The following LDB2 variants were observed in gnomAD, a reference collection of about 807,000 sequenced individuals.
LDB2 encodes LIM domain binding 2.
In LDB2, 12 loss-of-function variants were observed where a neutral mutation model predicts 44.3. The ratio of observed to expected loss-of-function variants is 0.27; its 90% CI spans 0.17 to 0.44. The LOEUF (loss-of-function observed/expected upper bound fraction) is 0.44, where lower values mean the gene tolerates loss of function less well. LDB2 is among the 20% of genes least tolerant of loss of function. The pLI, the probability that LDB2 is intolerant of heterozygous loss-of-function variation, is 1.00. For synonymous variants in LDB2, 164 were observed against 174.8 expected, an observed-to-expected ratio of 0.94 and a Z score of 0.49; for missense variants, 344 against 473.5, an observed-to-expected ratio of 0.73 and a Z score of 2.54.
At chr4:16,895,950 C>A (rs1313537722) in intron 1 of LDB2, among the ~76,000 whole-genome samples, 2 of 151,756 alleles carry the variant, frequency 1.3e-5, no homozygotes, top group African/African-American at 2.4e-5. Flanking sequence ...TTATTTGATT[C>A]TCTCCCCTTT....
At chr4:16,848,406 AT>A (rs1377028603) in intron 1 of LDB2, among the ~76,000 whole-genome samples, 1 of 152,240 alleles carries the variant, frequency 6.6e-6, no homozygotes, top group East Asian at 1.9e-4. Context: ...GTATTCACAT[AT>A]TTGGCACACA....
At chr4:16,763,693 T>G (rs1768505475) in intron 1 of LDB2, among the ~76,000 whole-genome samples, 1 of 152,208 alleles carries the variant, frequency 6.6e-6, no homozygotes, top group African/African-American at 2.4e-5. Context: ...GTGCTGTACA[T>G]GTATTGAACC....
At chr4:16,784,129 G>A (rs963720633) in intron 1 of LDB2, among the ~76,000 whole-genome samples, 4 of 152,160 alleles carry the variant, frequency 2.6e-5, no homozygotes, top group Non-Finnish European at 4.4e-5. Flanking sequence ...AATAATCAGC[G>A]TTTCATCTCA....
chr4:16,876,011 T>G (rs573232729), intron 1 of LDB2, among the ~76,000 whole-genome samples: 6 of 152,240 alleles, frequency 3.9e-5, no homozygotes, highest in Non-Finnish European at 8.8e-5. Context: ...GGAGGCCATA[T>G]GTGCAGAGTG....
chr4:16,859,497 A>T (rs1711747396), intron 1 of LDB2, among the ~76,000 whole-genome samples: 1 of 152,198 alleles, frequency 6.6e-6, no homozygotes, highest in South Asian at 2.1e-4. Flanking sequence ...CATCTATTGG[A>T]TTATAGGAGC....
At chr4:16,774,122 TC>T (rs1380705468) in intron 1 of LDB2, among the ~76,000 whole-genome samples, 2 of 121,270 alleles carry the variant, frequency 1.6e-5, no homozygotes, top group Non-Finnish European at 3.2e-5. Context: ...GCCATTGCAC[TC>T]CAGCCTGGCA....
rs570101331 is a variant in LDB2, at chr4:16,502,199, A to G, written c.*444T>C. 2 of 154,946 alleles carry G rather than the reference A, an allele frequency of 1.3e-5. No individual in the cohort carries two copies. The highest frequency in any genetic ancestry group is 2.9e-5 in the Non-Finnish European group (2 of 69,720). 9.6% of individuals were successfully genotyped at this position (154,946 alleles called of 1,614,324 possible). A position where few individuals can be genotyped will look rare whatever the true frequency, so the allele number is the denominator to read the frequency against. ...TTTTACTGAAACAAGAAACTCTCAG[A>G]TGCAAGTCAAAAAGCAGAAAATATT... On this transcript the variant is annotated 3_prime_UTR_variant, in exon 8 of 8. Coordinates refer to ENST00000304523, the MANE Select transcript of LDB2 (RefSeq NM_001290.5).
chr4:16,725,707 C>T (rs978122698), intron 2 of LDB2, among the ~76,000 whole-genome samples: 16 of 152,134 alleles, frequency 1.1e-4, no homozygotes, highest in East Asian at 1.9e-4. Context: ...AGGGACACAC[C>T]TGAAGCCTTC....
rs1198788029 is a variant in LDB2 at position 16,562,430 on chromosome 4, GA to G, written c.615+23491del. 7.2e-5 allele frequency among the ~76,000 whole-genome samples: 11 copies of G among 152,302 alleles called. 1 individual carries two copies. Among genetic ancestry groups the G allele is most frequent in the Admixed American group, 3.3e-4 (5 of 15,302 alleles). On this transcript the variant is annotated intron_variant, in intron 5 of 7. Transcript: ENST00000304523. ...GGACATGAACAGACACTTCTCAAAAGAAGACATTTATCCAGCCAACAGACAC... is the reference window on the plus strand; with the variant it reads ...GGACATGAACAGACACTTCTCAAAAGAGACATTTATCCAGCCAACAGACAC...
intron 2 of LDB2, among the ~76,000 whole-genome samples, chr4:16,718,345 C>T (rs952423566): frequency 6.6e-6 from 1 of 151,916 alleles, no homozygotes; most frequent in Non-Finnish European, 1.5e-5. Context: ...ATATATTTTT[C>T]AATCCATTGA....
intron 2 of LDB2, among the ~76,000 whole-genome samples, chr4:16,717,418 A>C (rs921494262): frequency 6.6e-6 from 1 of 152,110 alleles, no homozygotes. Context: ...CCCCTCCTGC[A>C]TTTTAGATGC....
intron 7 of LDB2, 81 bp downstream of exon 7, chr4:16,508,454 T>A: frequency 1.7e-6 from 2 of 1,177,430 alleles, no homozygotes; most frequent in Non-Finnish European, 2.3e-6. Context: ...TTTTTTCTAA[T>A]GAAAAGAGAC....
At chr4:16,676,671 A>T (rs1287887146) in intron 2 of LDB2, among the ~76,000 whole-genome samples, 1 of 152,256 alleles carries the variant, frequency 6.6e-6, no homozygotes, top group Non-Finnish European at 1.5e-5. Flanking sequence ...TATAGTCCAA[A>T]TGAGAACTCA....
intron 2 of LDB2, among the ~76,000 whole-genome samples, chr4:16,645,398 G>A (rs1041291587): frequency 5.3e-5 from 8 of 151,612 alleles, no homozygotes; most frequent in Non-Finnish European, 8.8e-5. Flanking sequence ...TTAGCCGGGC[G>A]CGGTGGCGGG....
intron 2 of LDB2, among the ~76,000 whole-genome samples, chr4:16,621,772 T>C (rs1257453783): frequency 6.6e-6 from 1 of 152,144 alleles, no homozygotes; most frequent in East Asian, 1.9e-4. Flanking sequence ...TTGCCCAGGC[T>C]AGTCAATAAC....
At chr4:16,649,359 C>T (rs1191588627) in intron 2 of LDB2, among the ~76,000 whole-genome samples, 1 of 152,158 alleles carries the variant, frequency 6.6e-6, no homozygotes, top group African/African-American at 2.4e-5. Flanking sequence ...AAACATTTCA[C>T]TTTCCTTAGG....
At chr4:16,650,469 C>G (rs1173628240) in intron 2 of LDB2, among the ~76,000 whole-genome samples, 2 of 152,128 alleles carry the variant, frequency 1.3e-5, no homozygotes, top group Non-Finnish European at 2.9e-5. Context: ...TACAAAGAAT[C>G]TGAATTCAGG....
chr4:16,589,220 TCCTGCTCTA>T (rs1718046438), intron 3 of LDB2, among the ~76,000 whole-genome samples: 1 of 152,244 alleles, frequency 6.6e-6, no homozygotes, highest in Non-Finnish European at 1.5e-5. Context: ...ATCTTGGTTA[TCCTGCTCTA>T]GGACAAAGTA....
chr4:16,703,726 A>G (rs1312432955), intron 2 of LDB2, among the ~76,000 whole-genome samples: 1 of 152,218 alleles, frequency 6.6e-6, no homozygotes, highest in Non-Finnish European at 1.5e-5. Flanking sequence ...GGTCACATAT[A>G]GAAAGCCTAG....
Sources: gnomAD v4.1 joint callset for allele counts (sites outside exome capture counted in the v4.1 genomes callset) on GRCh38, gnomAD v4.1.1 for gene constraint, MANE v1.5 for transcripts, NCBI Gene and HGNC (gene_info 2026-07-23, HGNC 2026-07-21) for gene names.